Variants in BCAS1 observed in about 807,000 individuals in gnomAD.
The protein encoded by BCAS1 is brain enriched myelin associated protein 1.
A neutral mutation model predicts 65.4 loss-of-function variants in BCAS1; 46 were observed. That is an observed-to-expected ratio of 0.70 (90% CI 0.55 to 0.90). The LOEUF (loss-of-function observed/expected upper bound fraction) is 0.90. BCAS1 is among the 40% of genes least tolerant of loss of function. The probability of loss-of-function intolerance (pLI) is 0.00; values close to 1 mark genes in which losing one functional copy is unlikely to be tolerated. For synonymous variants in BCAS1, 298 were observed against 293.5 expected, an observed-to-expected ratio of 1.02 and a Z score of -0.16; for missense variants, 793 against 771.2, an observed-to-expected ratio of 1.03 and a Z score of -0.33.
chr20:54,017,003 G>T (rs1226721517), intron 4 of BCAS1, among the ~76,000 whole-genome samples: 1 of 152,174 alleles, frequency 6.6e-6, no homozygotes, highest in Non-Finnish European at 1.5e-5. Flanking sequence ...CAGAAGTCTA[G>T]CCCAGGGCCT....
chr20:54,058,053 A>AG (rs1454320463), intron 3 of BCAS1, 32 bp downstream of exon 3: 6 of 1,547,440 alleles, frequency 3.9e-6, no homozygotes, highest in Non-Finnish European at 5.3e-6. Flanking sequence ...TCCCCACGAG[A>AG]GGGTAGATGC....
chr20:53,953,746 C>A, intron 11 of BCAS1, 51 bp from the exon 12 acceptor site: 1 of 1,565,278 alleles, frequency 6.4e-7, no homozygotes, highest in South Asian at 1.2e-5. Flanking sequence ...GGACAACTCT[C>A]AATAGCAAGG....
In BCAS1 at chr20:54,028,625, G is replaced by C. The variant is rs1209487919; in HGVS notation, c.490C>G (p.Leu164Val). Residue 164 changes from leucine to valine, a missense_variant, in exon 4 of 13, where the codon CTC becomes GTC. By Grantham distance (32) the Leu-to-Val change is conservative. Transcript: ENST00000688948. ...PGHAPAQDKVLSAARDPTLLP... is the reference protein window; with the variant it reads ...PGHAPAQDKVVSAARDPTLLP... ...AGCGTGGGATCCCTGGCGGCAGAGA[G>C]GACCTTGTCTTGGGCCGGGGCGTGC... 4.3e-6 allele frequency: 7 copies of C among 1,614,080 alleles called. No individual in the cohort carries two copies. The Admixed American group carries it at 1.2e-4, about 27-fold the overall frequency.
At chr20:53,949,113 G>A (rs62206655) in intron 12 of BCAS1, among the ~76,000 whole-genome samples, 18,312 of 152,092 alleles carry the variant, frequency 0.12, 1,265 homozygotes, top group South Asian at 0.23. Flanking sequence ...AAGAAGTGGT[G>A]CTTAGGGGAA....
At chr20:53,957,321 T>G in intron 11 of BCAS1, 111 bp downstream of exon 11, 246 of 962,668 alleles carry the variant, frequency 2.6e-4, no homozygotes, top group Middle Eastern at 4.2e-4. Flanking sequence ...TGCTTAATCC[T>G]GAGATATTAA....
intron 3 of BCAS1, among the ~76,000 whole-genome samples, chr20:54,054,014 T>C (rs891145406): frequency 2.6e-5 from 4 of 152,206 alleles, no homozygotes; most frequent in Non-Finnish European, 4.4e-5. Flanking sequence ...CTCACAATCA[T>C]GGCAGATGAC....
chr20:54,020,379 GT>G (rs1418403907), intron 4 of BCAS1, among the ~76,000 whole-genome samples: 2 of 152,162 alleles, frequency 1.3e-5, no homozygotes, highest in African/African-American at 4.8e-5. Context: ...GCCATGACAT[GT>G]TAAAGACCAA....
chr20:54,016,353 T>TAAAA (rs984958932), intron 4 of BCAS1, among the ~76,000 whole-genome samples: 13 of 152,358 alleles, frequency 8.5e-5, no homozygotes, highest in Admixed American at 7.8e-4. Context: ...TAGATGTACA[T>TAAAA]AATTTTGGGG....
intron 1 of BCAS1, among the ~76,000 whole-genome samples, chr20:54,062,279 G>A (rs903229597): frequency 3.9e-5 from 6 of 152,126 alleles, no homozygotes; most frequent in African/African-American, 1.4e-4. Context: ...AACAACATTT[G>A]GTGAGTGCTT....
chr20:54,007,534 C>CCCTGATT, intron 4 of BCAS1, among the ~76,000 whole-genome samples: 1 of 152,224 alleles, frequency 6.6e-6, no homozygotes, highest in African/African-American at 2.4e-5. Context: ...CTTCTCTAGC[C>CCCTGATT]TCTCTGCTTC....
chr20:53,950,827 C>A (rs1384732219), intron 12 of BCAS1, among the ~76,000 whole-genome samples: 1 of 152,138 alleles, frequency 6.6e-6, no homozygotes, highest in Non-Finnish European at 1.5e-5. Flanking sequence ...AACCAGTCAA[C>A]CCTAGTCATG....
Position 53,953,637 on chromosome 20 carries a change from G to A in BCAS1, c.1610C>T (p.Pro537Leu). 8 of 1,613,814 alleles carry A rather than the reference G, an allele frequency of 5.0e-6. No homozygotes were observed. Among genetic ancestry groups the A allele is most frequent in the Non-Finnish European group, 6.8e-6 (8 of 1,179,982 alleles). The change falls in exon 12 of 13, where the codon CCA (proline) becomes CTA (leucine). Residue 537 changes from proline (P) to leucine (L), a missense_variant. By Grantham distance (98) the Pro-to-Leu change is moderately conservative (BLOSUM62 -3). Transcript: ENST00000688948. ...TPPEPEPTGA[P>L]QKGKEGSSKD... ...CGAGGAGCCCTCTTTACCCTTCTGT[G>A]GTGCTCCTGTTGGTTCAGGCTCTGG...
rs576022993 is a variant in BCAS1 at position 53,956,143 on chromosome 20, A to T, written c.1551+1289T>A. Among the ~76,000 whole-genome samples, 6 of 152,218 alleles carry T rather than the reference A, an allele frequency of 3.9e-5. No homozygotes were observed. In the South Asian group the frequency reaches 1.0e-3, roughly 26 times the overall value. On this transcript the variant is annotated intron_variant, in intron 11 of 12. Transcript: ENST00000688948. The stretch of plus-strand genomic sequence containing the variant: ...ACAATAGAGTTGTGCCCCCACCCCA[A>T]CGCATATGTTGAATCCTTAACTCCC...
At chr20:54,013,869 G>T (rs917407954) in intron 4 of BCAS1, among the ~76,000 whole-genome samples, 34 of 152,116 alleles carry the variant, frequency 2.2e-4, no homozygotes, top group Admixed American at 1.8e-3. Flanking sequence ...GAAAGAAAAA[G>T]AATTTATGTT....
At chr20:54,001,576 G>A (rs67369019) in intron 4 of BCAS1, among the ~76,000 whole-genome samples, 24,652 of 151,704 alleles carry the variant, frequency 0.16, 2,350 homozygotes, top group East Asian at 0.26. Flanking sequence ...CTGGACTTGC[G>A]GCCCCCACCC....
chr20:53,955,213 G>A (rs1184143444), intron 11 of BCAS1, among the ~76,000 whole-genome samples: 3 of 152,138 alleles, frequency 2.0e-5, no homozygotes, highest in East Asian at 1.9e-4. Flanking sequence ...GAGACTCCCC[G>A]GTCCAGAAGG....
At chr20:53,945,761 G>T (rs138740534) in intron 12 of BCAS1, among the ~76,000 whole-genome samples, 24 of 152,232 alleles carry the variant, frequency 1.6e-4, no homozygotes, top group African/African-American at 3.9e-4. Context: ...ATGTTGTCAG[G>T]CAGATACAAT....
intron 9 of BCAS1, among the ~76,000 whole-genome samples, chr20:53,974,566 T>C (rs2090275025): frequency 6.6e-6 from 1 of 152,246 alleles, no homozygotes; most frequent in Non-Finnish European, 1.5e-5. Flanking sequence ...GCCCTATTTA[T>C]GGCAAGTAAA....
chr20:54,066,308 G>A (rs896632738), intron 1 of BCAS1, among the ~76,000 whole-genome samples: 18 of 151,900 alleles, frequency 1.2e-4, no homozygotes, highest in South Asian at 4.1e-4. Flanking sequence ...TCCTGACCTC[G>A]TGATCCGCCC....
Sources: gnomAD v4.1 joint callset for allele counts (sites outside exome capture counted in the v4.1 genomes callset) on GRCh38, gnomAD v4.1.1 for gene constraint, MANE v1.5 for transcripts, NCBI Gene and HGNC (gene_info 2026-07-23, HGNC 2026-07-21) for gene names.